The following MAP4K5 variants were observed in gnomAD, a reference collection of about 807,000 sequenced individuals.
The protein encoded by MAP4K5 is mitogen-activated protein kinase kinase kinase kinase 5.
Under a neutral mutation model 135.6 loss-of-function variants are expected in MAP4K5, and 82 were observed. The observed-to-expected ratio is 0.60, with a 90% CI of 0.51 to 0.73. MAP4K5 has a LOEUF of 0.73. MAP4K5 is among the 30% of genes least tolerant of loss of function. The pLI is 0.00. For synonymous variants in MAP4K5, 347 were observed against 335.0 expected (o/e 1.04, Z -0.39); for missense variants, 907 against 1,010.9 (o/e 0.90, Z 1.39).
At chr14:50,522,654 G>C (rs994253967) in intron 2 of MAP4K5, among the ~76,000 whole-genome samples, 4 of 151,962 alleles carry the variant, frequency 2.6e-5, no homozygotes, top group African/African-American at 9.7e-5. Flanking sequence ...ATTTTCTACT[G>C]TTAAGCTATT....
chr14:50,432,556 C>CAAAAAAAAAAAAAAAA (rs56267301), intron 28 of MAP4K5, among the ~76,000 whole-genome samples: 2 of 139,962 alleles, frequency 1.4e-5, no homozygotes, highest in Admixed American at 6.8e-5. Flanking sequence ...ACAAAACTCT[C>CAAAAAAAAAAAAAAAA]AAAAAAAAAA....
chr14:50,477,002 T>G (rs980271101), intron 6 of MAP4K5, among the ~76,000 whole-genome samples: 1 of 152,200 alleles, frequency 6.6e-6, no homozygotes, highest in Non-Finnish European at 1.5e-5. Flanking sequence ...AGAATCAGCA[T>G]GTCAACTTCT....
chr14:50,550,580 T>C (rs1430313744), intron 1 of MAP4K5, among the ~76,000 whole-genome samples: 1 of 152,178 alleles, frequency 6.6e-6, no homozygotes, highest in Non-Finnish European at 1.5e-5. Flanking sequence ...CCAGGATCAC[T>C]AGGGATTGTC....
In MAP4K5 at chr14:50,443,757, T is replaced by A; in HGVS notation, c.1451A>T (p.Asn484Ile). The A allele has an allele frequency of 6.2e-7, 1 of 1,600,158 alleles. No individual in the cohort carries two copies. Reference protein sequence around the residue: ...DKRDFPKPAINGLPPTPKVLM... With the variant: ...DKRDFPKPAIIGLPPTPKVLM... ...AACTTTTGGGGTGGGTGGAAGGCCA[T>A]TGATGGCTGGTTTCTATGGGAAAAA... Residue 484 changes from asparagine (N) to isoleucine (I), a missense_variant, in exon 20 of 33, where the codon AAT becomes ATT. Coordinates refer to ENST00000682126, the MANE Select transcript of MAP4K5 (RefSeq NM_006575.6).
At chr14:50,435,690 C>T (rs551047552) in intron 26 of MAP4K5, among the ~76,000 whole-genome samples, 62 of 152,128 alleles carry the variant, frequency 4.1e-4, no homozygotes, top group African/African-American at 1.4e-3. Context: ...TAGGAGGCAA[C>T]TAAAATGCAC....
chr14:50,474,352 C>T (rs894393436), intron 9 of MAP4K5, among the ~76,000 whole-genome samples: 1 of 151,368 alleles, frequency 6.6e-6, no homozygotes, highest in Non-Finnish European at 1.5e-5. Context: ...ATTGTGCCAC[C>T]GCACTCCAGC....
At chr14:50,459,761 G>A (rs994405957) in intron 13 of MAP4K5, among the ~76,000 whole-genome samples, 5 of 150,548 alleles carry the variant, frequency 3.3e-5, no homozygotes, top group South Asian at 2.1e-4. Flanking sequence ...GCAGTGGCGC[G>A]ATCTTGGCTC....
rs533101693 is a variant in MAP4K5 at position 50,424,937 on chromosome 14, A to G, written c.2397+970T>C. Among the ~76,000 whole-genome samples the G allele has an allele frequency of 2.0e-5, 3 of 152,262 alleles. No individual in the cohort carries two copies. The East Asian group carries it at 5.8e-4, about 29-fold the overall frequency. ...CACGTATCAGTAACTAGATAAACTT[A>G]TATATTCAAAGACAGCTGATTTATG... is the stretch of plus-strand genomic sequence containing the variant. On this transcript the variant is annotated intron_variant, in intron 31 of 32. Transcript: ENST00000682126.
intron 1 of MAP4K5, among the ~76,000 whole-genome samples, chr14:50,555,305 G>A (rs151087452): frequency 3.2e-4 from 48 of 152,108 alleles, no homozygotes; most frequent in African/African-American, 1.1e-3. Flanking sequence ...TTTTTGAGAC[G>A]GAGTCTCGCT....
intron 20 of MAP4K5, 27 bp downstream of exon 20, chr14:50,443,702 A>T: frequency 6.4e-7 from 1 of 1,567,866 alleles, no homozygotes; most frequent in Non-Finnish European, 8.6e-7. Context: ...AAAAACGGCA[A>T]ATAGTTCACA....
intron 1 of MAP4K5, among the ~76,000 whole-genome samples, chr14:50,543,852 T>G (rs1595567251): frequency 1.3e-5 from 2 of 152,214 alleles, no homozygotes; most frequent in East Asian, 3.8e-4. Context: ...GGATTGGACT[T>G]GGTGAGTTTG....
At chr14:50,500,783 A>C (rs2037689909) in intron 3 of MAP4K5, among the ~76,000 whole-genome samples, 1 of 152,164 alleles carries the variant, frequency 6.6e-6, no homozygotes, top group African/African-American at 2.4e-5. Flanking sequence ...TTGCTGACAG[A>C]CTGATTCTTG....
chr14:50,557,382 A>G (rs753068255), intron 1 of MAP4K5, among the ~76,000 whole-genome samples: 4 of 152,022 alleles, frequency 2.6e-5, no homozygotes, highest in Non-Finnish European at 4.4e-5. Flanking sequence ...GTCTTGCTGT[A>G]TTTATTTTTC....
At chr14:50,558,284 G>C (rs1341597507) in intron 1 of MAP4K5, among the ~76,000 whole-genome samples, 1 of 152,156 alleles carries the variant, frequency 6.6e-6, no homozygotes, top group Non-Finnish European at 1.5e-5. Context: ...GCTTGAACCT[G>C]GGAGGTGGAG....
intron 2 of MAP4K5, among the ~76,000 whole-genome samples, chr14:50,512,709 T>C (rs1224691943): frequency 1.3e-5 from 2 of 152,170 alleles, no homozygotes; most frequent in Admixed American, 1.3e-4. Flanking sequence ...AAAGAGATCT[T>C]CTAAACAGAG....
rs58216994 is a variant in MAP4K5 at position 50,550,195 on chromosome 14, G to A, written c.-179-7611C>T. Reference sequence around the variant, plus strand: ...AGTGCAGATTGCATAGGCAAGGCTGGAAGCTTACCAATTGGCTACTATACC... The same window carrying A: ...AGTGCAGATTGCATAGGCAAGGCTGAAAGCTTACCAATTGGCTACTATACC... On this transcript the variant is annotated intron_variant, in intron 1 of 8. Coordinates refer to the MAP4K5 transcript ENST00000555216. Among the ~76,000 whole-genome samples the A allele has an allele frequency of 5.4e-3, 815 of 152,322 alleles. 7 individuals are homozygous for A. The highest frequency in any genetic ancestry group is 0.019 in the African/African-American group (778 of 41,564).
At chr14:50,542,807 T>C (rs2038582958) in intron 1 of MAP4K5, among the ~76,000 whole-genome samples, 1 of 152,196 alleles carries the variant, frequency 6.6e-6, no homozygotes, top group Non-Finnish European at 1.5e-5. Context: ...GGGGTGGCCC[T>C]GAAAGATAGG....
At chr14:50,427,326 G>A (rs185340751) in intron 30 of MAP4K5, among the ~76,000 whole-genome samples, 38 of 152,260 alleles carry the variant, frequency 2.5e-4, no homozygotes, top group African/African-American at 8.2e-4. Context: ...AATATAAGGA[G>A]TAAAAGAAGA....
chr14:50,510,968 GCTAA>G (rs908119253), intron 2 of MAP4K5, among the ~76,000 whole-genome samples: 79 of 152,216 alleles, frequency 5.2e-4, no homozygotes, highest in African/African-American at 1.9e-3. Flanking sequence ...ACCCAACTGA[GCTAA>G]AAAGTTATGT....
Sources: allele counts gnomAD v4.1 joint callset (sites outside exome capture counted in the v4.1 genomes callset), GRCh38; gene constraint gnomAD v4.1.1; transcripts MANE v1.5; gene names NCBI Gene and HGNC (gene_info 2026-07-23, HGNC 2026-07-21).